Variants in NOX4 observed in about 807,000 individuals in gnomAD.
NOX4 encodes kidney oxidase-1.
Under a neutral mutation model 87.6 loss-of-function variants are expected in NOX4, and 69 were observed. The ratio of observed to expected loss-of-function variants is 0.79; its 90% confidence interval spans 0.65 to 0.96. The LOEUF is 0.96. Among genes scored for constraint, NOX4 ranks in the 40% least tolerant of loss-of-function variants. The pLI is 0.00. For synonymous variants in NOX4, 275 were observed against 238.2 expected (o/e 1.15, Z -1.42); for missense variants, 680 against 681.5 (o/e 1.00, Z 0.02).
upstream of NOX4, among the ~76,000 whole-genome samples, chr11:89,492,487 T>C (rs146149885): frequency 6.6e-6 from 1 of 152,340 alleles, no homozygotes; most frequent in Non-Finnish European, 1.5e-5. Flanking sequence ...ACATGCAATA[T>C]ACTTATTCCA....
chr11:89,584,528 T>G, the NOX4 span, among the ~76,000 whole-genome samples: 1 of 152,324 alleles, frequency 6.6e-6, no homozygotes, highest in Middle Eastern at 3.4e-3. Flanking sequence ...GCACAGATGA[T>G]AAATATACTG....
chr11:89,397,704 A>G (rs1235883423), intron 11 of NOX4, among the ~76,000 whole-genome samples: 1 of 152,188 alleles, frequency 6.6e-6, no homozygotes, highest in Non-Finnish European at 1.5e-5. Context: ...CAAATAAACT[A>G]GAAAATCTAG....
At chr11:89,471,693 T>A (rs1945948945) in intron 2 of NOX4, among the ~76,000 whole-genome samples, 1 of 152,180 alleles carries the variant, frequency 6.6e-6, no homozygotes, top group African/African-American at 2.4e-5. Context: ...GAAGGACTGA[T>A]TAAAAAGCTG....
rs58749197 is a variant in NOX4 at position 89,412,868 on chromosome 11, A to G, written c.629+9034T>C. 3.1e-3 allele frequency among the ~76,000 whole-genome samples: 472 copies of G among 152,280 alleles called. 4 individuals are homozygous for G. Among genetic ancestry groups the G allele is most frequent in the African/African-American group, 0.011 (457 of 41,564 alleles). On this transcript the variant is annotated intron_variant, in intron 8 of 17. Transcript: ENST00000263317. ...TTAAAGAGCTTCTGCACAGCAAAGC[A>G]TACATCAACAAAGTAAAGATCTAAC... is the stretch of plus-strand genomic sequence containing the variant.
intron 2 of NOX4, among the ~76,000 whole-genome samples, chr11:89,461,258 T>C (rs1945448820): frequency 1.3e-5 from 2 of 151,706 alleles, no homozygotes; most frequent in Admixed American, 1.3e-4. Context: ...TGTACACATA[T>C]GTAACAAACC....
At chr11:89,560,996 C>CTCTATATA in the NOX4 span, among the ~76,000 whole-genome samples, 36 of 40,800 alleles carry the variant, frequency 8.8e-4, no homozygotes, top group African/African-American at 2.0e-3. Flanking sequence ...CTCTCTCTCT[C>CTCTATATA]TATATATATA....
intron 5 of NOX4, among the ~76,000 whole-genome samples, chr11:89,442,218 C>T (rs936162003): frequency 6.6e-6 from 1 of 151,228 alleles, no homozygotes; most frequent in African/African-American, 2.4e-5. Context: ...TAACTTAAAA[C>T]GTTGAGTTGC....
intron 2 of NOX4, among the ~76,000 whole-genome samples, chr11:89,455,203 C>T (rs1483425739): frequency 6.6e-6 from 1 of 151,986 alleles, no homozygotes; most frequent in Non-Finnish European, 1.5e-5. Context: ...GCACCATTTC[C>T]TCTTTAGTTG....
At position 89,335,074 on chromosome 11, in the gene NOX4, T is replaced by C. The variant is rs536974878; in HGVS notation, c.1616+771A>G. Among the ~76,000 whole-genome samples the C allele has an allele frequency of 4.9e-3, 742 of 151,880 alleles. 8 individuals are homozygous for C. Among genetic ancestry groups the C allele is most frequent in the African/African-American group, 0.017 (709 of 41,528 alleles). On this transcript the variant is annotated intron_variant, in intron 17 of 17. Transcript: ENST00000263317. ...AATTACAAAATGTCAATATCTGCAA[T>C]ATGTTAGAAATCACATCTTTTACAA...
chr11:89,431,231 A>G (rs1228818181), intron 7 of NOX4, among the ~76,000 whole-genome samples: 1 of 152,222 alleles, frequency 6.6e-6, no homozygotes, highest in East Asian at 1.9e-4. Flanking sequence ...CTTAAATGTT[A>G]GACCTAAAAC....
chr11:89,440,209 A>C (rs1478010494), intron 6 of NOX4, among the ~76,000 whole-genome samples: 1 of 152,184 alleles, frequency 6.6e-6, no homozygotes, highest in African/African-American at 2.4e-5. Flanking sequence ...TTGCAACCTT[A>C]TCCTTTAACT....
chr11:89,349,431 G>A (rs1418835884), intron 13 of NOX4, among the ~76,000 whole-genome samples: 1 of 152,150 alleles, frequency 6.6e-6, no homozygotes, highest in African/African-American at 2.4e-5. Flanking sequence ...AACTTGGCTA[G>A]GAAAGAGAAA....
the NOX4 span, among the ~76,000 whole-genome samples, chr11:89,513,443 G>GA: frequency 7.6e-4 from 116 of 151,886 alleles, no homozygotes; most frequent in East Asian, 0.021. Context: ...CCAAAGCAAT[G>GA]AAAAAATCTC....
At chr11:89,472,805 G>C (rs538597955) in intron 2 of NOX4, among the ~76,000 whole-genome samples, 1 of 152,260 alleles carries the variant, frequency 6.6e-6, no homozygotes, top group African/African-American at 2.4e-5. Flanking sequence ...AGTTGCATAT[G>C]AACACAGCCA....
At chr11:89,413,959 T>C (rs186139063) in intron 8 of NOX4, among the ~76,000 whole-genome samples, 2 of 152,036 alleles carry the variant, frequency 1.3e-5, no homozygotes, top group African/African-American at 4.8e-5. Flanking sequence ...GAACATTACA[T>C]AGACAACAAT....
chr11:89,359,584 T>C (rs759680308), intron 12 of NOX4, among the ~76,000 whole-genome samples: 2 of 152,054 alleles, frequency 1.3e-5, no homozygotes, highest in Non-Finnish European at 2.9e-5. Flanking sequence ...TATTCTTGTA[T>C]AACCTAAAGA....
chr11:89,378,653 A>G (rs1320017177), intron 11 of NOX4, among the ~76,000 whole-genome samples: 1 of 152,168 alleles, frequency 6.6e-6, no homozygotes, highest in Non-Finnish European at 1.5e-5. Flanking sequence ...AATATAGGAG[A>G]AAAATATAGG....
At chr11:89,495,014 C>A (rs531105108), upstream of NOX4, among the ~76,000 whole-genome samples, 2 of 152,322 alleles carry the variant, frequency 1.3e-5, no homozygotes, top group South Asian at 2.1e-4. Context: ...GCAATCATGG[C>A]TCACTGCAGC....
chr11:89,560,986 C>CTA, the NOX4 span, among the ~76,000 whole-genome samples: 7 of 76,094 alleles, frequency 9.2e-5, no homozygotes, highest in African/African-American at 4.1e-4. Flanking sequence ...CTCTCTCTCT[C>CTA]TCTCTCTCTC....
Sources: gnomAD v4.1 joint callset for allele counts (sites outside exome capture counted in the v4.1 genomes callset) on GRCh38, gnomAD v4.1.1 for gene constraint, MANE v1.5 for transcripts, NCBI Gene and HGNC (gene_info 2026-07-23, HGNC 2026-07-21) for gene names.